NXPE4: variants seen among roughly 807,000 people sequenced by gnomAD.
The protein encoded by NXPE4 is NXPE family member 4.
A neutral mutation model predicts 33.3 loss-of-function variants in NXPE4; 42 were observed. The observed-to-expected ratio is 1.26, with a 90% CI of 0.98 to 1.63. The LOEUF (loss-of-function observed/expected upper bound fraction) is 1.63. Among genes scored for constraint, NXPE4 ranks in the 40% most tolerant of loss-of-function variants. The pLI is 0.00. For synonymous variants in NXPE4, 253 were observed against 234.9 expected, an observed-to-expected ratio of 1.08 and a Z score of -0.71; for missense variants, 709 against 647.6, an observed-to-expected ratio of 1.09 and a Z score of -1.03.
chr11:114,582,298 G>T lies in NXPE4; in HGVS notation c.820C>A (p.Leu274Ile), dbSNP rs771763637. ...AGTAATTATTTTTACCTTTCAAAGA[G>T]GCTCTTTTCTTGTTTGCTAAGATAA... ...VSYLSKQEKS[L>I]FERSNVGVEI... Residue 274 changes from leucine (L) to isoleucine (I), a missense_variant, in exon 3 of 6, where the codon CTC (leucine) becomes ATC (isoleucine). Physicochemically the swap from Leu to Ile is conservative, Grantham distance 5. Transcript: ENST00000375478. 1 of 1,572,204 alleles carries T rather than the reference G, an allele frequency of 6.4e-7. No individual in the cohort carries two copies. The highest frequency in any genetic ancestry group is 1.4e-5 in the African/African-American group (1 of 73,098).
At chr11:114,571,922 C>G (rs114432685) in intron 5 of NXPE4, among the ~76,000 whole-genome samples, 314 of 152,360 alleles carry the variant, frequency 2.1e-3, no homozygotes, top group African/African-American at 6.8e-3. Context: ...AAAGTGCCAC[C>G]TGCTGGCTGG....
the NXPE4 span, among the ~76,000 whole-genome samples, chr11:114,627,754 T>A: frequency 1.3e-5 from 2 of 152,128 alleles, no homozygotes; most frequent in African/African-American, 4.8e-5. Context: ...GACCCATCAG[T>A]GTGCTGTATT....
chr11:114,651,510 T>C, the NXPE4 span, among the ~76,000 whole-genome samples: 1 of 152,198 alleles, frequency 6.6e-6, no homozygotes, highest in African/African-American at 2.4e-5. Context: ...AGAACAAACC[T>C]GCCACAGCAT....
At chr11:114,639,856 ATAT>A in the NXPE4 span, among the ~76,000 whole-genome samples, 5 of 85,642 alleles carry the variant, frequency 5.8e-5, no homozygotes, top group Admixed American at 3.5e-4. Flanking sequence ...AATATAATAT[ATAT>A]TATATTTTAT....
intron 3 of NXPE4, 88 bp downstream of exon 3, chr11:114,582,200 A>G (rs2135230791): frequency 7.1e-7 from 1 of 1,400,680 alleles, no homozygotes; most frequent in Non-Finnish European, 9.6e-7. Flanking sequence ...ACCCAAAATT[A>G]ATACACTCAC....
At chr11:114,599,146 T>C (rs1007571302), upstream of NXPE4, among the ~76,000 whole-genome samples, 1 of 152,134 alleles carries the variant, frequency 6.6e-6, no homozygotes, top group Admixed American at 6.5e-5. Context: ...AGAAATTTCT[T>C]CCCCCAGATA....
At chr11:114,572,415 C>T (rs1948911832) in intron 5 of NXPE4, among the ~76,000 whole-genome samples, 1 of 152,004 alleles carries the variant, frequency 6.6e-6, no homozygotes, top group South Asian at 2.1e-4. Context: ...GATTATTAAG[C>T]TAATCAAGGA....
chr11:114,644,719 C>T, the NXPE4 span, among the ~76,000 whole-genome samples: 1 of 151,716 alleles, frequency 6.6e-6, no homozygotes, highest in Non-Finnish European at 1.5e-5. Context: ...TATCAAATCT[C>T]TATAAGCTGA....
At chr11:114,624,928 G>A in the NXPE4 span, among the ~76,000 whole-genome samples, 1 of 152,134 alleles carries the variant, frequency 6.6e-6, no homozygotes, top group East Asian at 1.9e-4. Context: ...GTTACCTGGT[G>A]GATAATACGT....
chr11:114,599,668 C>A (rs1949615831), upstream of NXPE4, among the ~76,000 whole-genome samples: 1 of 152,116 alleles, frequency 6.6e-6, no homozygotes, highest in Admixed American at 6.6e-5. Flanking sequence ...AAAGTGGGAG[C>A]AGGTGTCTTA....
At chr11:114,596,902 A>G (rs546362361), upstream of NXPE4, among the ~76,000 whole-genome samples, 14 of 152,326 alleles carry the variant, frequency 9.2e-5, no homozygotes, top group African/African-American at 2.4e-4. Context: ...AAGAACCAAG[A>G]GTACAAAAGA....
chr11:114,650,796 T>C, the NXPE4 span, among the ~76,000 whole-genome samples: 2 of 152,012 alleles, frequency 1.3e-5, no homozygotes, highest in Admixed American at 6.6e-5. Flanking sequence ...AGACTCTCTC[T>C]AAGTTCCAGG....
chr11:114,616,720 A>T, the NXPE4 span, among the ~76,000 whole-genome samples: 1 of 151,782 alleles, frequency 6.6e-6, no homozygotes, highest in Non-Finnish European at 1.5e-5. Flanking sequence ...CCAGTGTATA[A>T]TAAGTGTTGC....
chr11:114,612,910 G>A, the NXPE4 span, among the ~76,000 whole-genome samples: 6 of 152,008 alleles, frequency 3.9e-5, no homozygotes, highest in Admixed American at 6.6e-5. Context: ...ACTGTTACCC[G>A]GTGGATAATA....
chr11:114,583,826 T>G (rs1949214383), intron 2 of NXPE4: 1 of 422,292 alleles, frequency 2.4e-6, no homozygotes, highest in South Asian at 1.9e-5. Context: ...TATTACAGGC[T>G]AGGCCAGGAC....
In NXPE4 at chr11:114,587,640, C is replaced by T. The variant is rs558041372; in HGVS notation, c.97-4619G>A. Among the ~76,000 whole-genome samples, 7 of 152,276 alleles carry T rather than the reference C, an allele frequency of 4.6e-5. No individual in the cohort carries two copies. In the South Asian group the frequency reaches 1.5e-3, roughly 32 times the overall value. On this transcript the variant is annotated intron_variant, in intron 2 of 5. Coordinates refer to ENST00000375478, the MANE Select transcript of NXPE4 (RefSeq NM_001077639.2). ...CAATGGATGGCACCTTAAAAGATGC[C>T]AGGGCTCAGGGCGCCAAGGAGGGAA...
At chr11:114,605,649 G>T in the NXPE4 span, among the ~76,000 whole-genome samples, 4 of 146,742 alleles carry the variant, frequency 2.7e-5, no homozygotes, top group African/African-American at 5.1e-5. Flanking sequence ...ACCACAGTTA[G>T]CTGGTGGATA....
At chr11:114,612,866 C>T in the NXPE4 span, among the ~76,000 whole-genome samples, 2 of 151,796 alleles carry the variant, frequency 1.3e-5, no homozygotes, top group African/African-American at 2.4e-5. Flanking sequence ...TCAATGTTAC[C>T]CCGTGGATAA....
chr11:114,580,152 T>C lies in NXPE4; in HGVS notation c.1079A>G (p.Tyr360Cys), dbSNP rs747050350. 3.1e-6 allele frequency: 5 copies of C among 1,613,916 alleles called. No homozygotes were observed. The highest frequency in any genetic ancestry group is 4.2e-6 in the Non-Finnish European group (5 of 1,179,746). The part of the protein sequence containing the change: ...GDSTIRQWME[Y>C]FKASINTLKS... ...CATACTGTTGATACTGGCTTTGAAG[T>C]ATTCCATCCACTGGCGGATCGTGGA... Residue 360 changes from tyrosine to cysteine, a missense_variant, in exon 5 of 6, where the codon TAC (tyrosine) becomes TGC (cysteine). Transcript: ENST00000375478.
Sources: gnomAD v4.1 joint callset for allele counts (sites outside exome capture counted in the v4.1 genomes callset) on GRCh38, gnomAD v4.1.1 for gene constraint, MANE v1.5 for transcripts, NCBI Gene and HGNC (gene_info 2026-07-23, HGNC 2026-07-21) for gene names.